The following ATP11A variants were observed in gnomAD, a reference collection of about 807,000 sequenced individuals.
ATP11A encodes the protein phospholipid-transporting ATPase IH.
ATP11A carries 81 observed loss-of-function variants against 154.4 expected under a neutral mutation model. The ratio of observed to expected loss-of-function variants is 0.52; its 90% CI spans 0.44 to 0.63. The LOEUF is 0.63. ATP11A is among the 30% of genes least tolerant of loss of function. The probability of loss-of-function intolerance (pLI) is 0.00; values close to 1 mark genes in which losing one functional copy is unlikely to be tolerated. For missense variants in ATP11A, 1,316 were observed against 1,474.3 expected, an observed-to-expected ratio of 0.89 and a Z score of 1.76; for synonymous variants, 623 against 585.9, an observed-to-expected ratio of 1.06 and a Z score of -0.91.
intron 25 of ATP11A, among the ~76,000 whole-genome samples, chr13:112,870,125 A>G (rs1326060481): frequency 6.6e-6 from 1 of 152,162 alleles, no homozygotes; most frequent in Admixed American, 6.5e-5. Context: ...AGCCAGAAGG[A>G]GGAGGCCCAC....
In ATP11A at chr13:112,732,461, T is replaced by C. The variant is rs531749471; in HGVS notation, c.39+42006T>C. Among the ~76,000 whole-genome samples, 23 of 152,204 alleles carry C rather than the reference T, an allele frequency of 1.5e-4. No individual in the cohort carries two copies. The South Asian group carries it at 4.6e-3, about 30-fold the overall frequency. On this transcript the variant is annotated intron_variant, in intron 1 of 29. Coordinates refer to ENST00000375645, the MANE Select transcript of ATP11A (RefSeq NM_015205.3). Reference sequence around the variant, plus strand: ...CTCTCCATCTCTCTCTCTCCAGCTCTGTCTCTCTCCAGCTCCATCTCTCTC... The same window carrying C: ...CTCTCCATCTCTCTCTCTCCAGCTCCGTCTCTCTCCAGCTCCATCTCTCTC...
intron 25 of ATP11A, among the ~76,000 whole-genome samples, chr13:112,864,817 G>A (rs2080264016): frequency 1.2e-5 from 1 of 83,906 alleles, no homozygotes; most frequent in Non-Finnish European, 2.3e-5. Flanking sequence ...CACCTGCGCA[G>A]TAATTCAGTG....
In ATP11A at chr13:112,873,670, T is replaced by C; in HGVS notation, c.3155T>C (p.Val1052Ala). Residue 1052 changes from valine (V) to alanine (A), a missense_variant, in exon 27 of 30, where the codon GTG becomes GCG. This residue lies in a region of ATP11A where 294 missense variants were observed against 290.2 expected (regional missense o/e 1.01). Coordinates refer to ENST00000375645, the MANE Select transcript of ATP11A (RefSeq NM_015205.3). ...GTCTTTTCGCTTCTCTGGGGAGGAG[T>C]GATCTGGTAAATATCTGATAAGTAG... ...YVVFSLLWGG[V>A]IWPFLNYQRM... 1 of 1,610,066 alleles carries C rather than the reference T, an allele frequency of 6.2e-7. No individual in the cohort carries two copies. The highest frequency in any genetic ancestry group is 2.2e-5 in the East Asian group (1 of 44,836).
Position 112,825,424 on chromosome 13 carries a change from T to A in ATP11A, c.873-6T>A. The A allele has an allele frequency of 6.2e-7, 1 of 1,606,752 alleles. No individual in the cohort carries two copies. The highest frequency in any genetic ancestry group is 8.5e-7 in the Non-Finnish European group (1 of 1,176,244). On this transcript the variant is annotated splice_polypyrimidine_tract_variant and splice_region_variant and intron_variant, in intron 10 of 29. Transcript: ENST00000375645. The stretch of plus-strand genomic sequence containing the variant: ...ACCAGTGATCACCTCTGTCCTTTTG[T>A]TTTAGATCGATGAATGCGTTCCTCA...
At chr13:112,881,759 C>T (rs567988047) in intron 29 of ATP11A, 117 bp from the exon 30 acceptor site, 28 of 1,343,120 alleles carry the variant, frequency 2.1e-5, no homozygotes, top group Non-Finnish European at 2.6e-5. Context: ...CTCAGGTCAC[C>T]CCAGGCAGCC....
intron 24 of ATP11A, among the ~76,000 whole-genome samples, chr13:112,862,019 A>AAGGTGTCACAGC (rs1340041695): frequency 5.3e-5 from 5 of 94,642 alleles, no homozygotes; most frequent in Non-Finnish European, 9.9e-5. Flanking sequence ...CAGCAGGCGT[A>AAGGTGTCACAGC]AGGCGTCACG....
At chr13:112,707,625 T>TGAA (rs1303332731) in intron 1 of ATP11A, among the ~76,000 whole-genome samples, 1 of 151,926 alleles carries the variant, frequency 6.6e-6, no homozygotes, top group East Asian at 1.9e-4. Flanking sequence ...ATTAAAAAGG[T>TGAA]GAAAAAGCTC....
At position 112,746,110 on chromosome 13, in the gene ATP11A, G is replaced by T. The variant is rs765174969; in HGVS notation, c.40-39025G>T. 2.0e-5 allele frequency: 3 copies of T among 148,632 alleles called. No individual in the cohort carries two copies. The highest frequency in any genetic ancestry group is 4.4e-5 in the Non-Finnish European group (3 of 68,048). 9.2% of individuals were successfully genotyped at this position (148,632 alleles called of 1,614,324 possible). ...TGTGATGGACTCTTGGGCGTCTGCC[G>T]TAGGCCGCTGTGAATGCTGGCGGCG... On this transcript the variant is annotated intron_variant, in intron 1 of 29. Transcript: ENST00000375645. The surrounding 1 kb of genome is among the most constrained non-coding windows in gnomAD (Gnocchi z 4.1).
intron 1 of ATP11A, among the ~76,000 whole-genome samples, chr13:112,768,186 C>A (rs772269479): frequency 1.3e-5 from 2 of 152,262 alleles, no homozygotes; most frequent in Non-Finnish European, 2.9e-5. Context: ...TGGAGCCCGG[C>A]CACTGCCAGG....
At chr13:112,780,724 C>T (rs986807432) in intron 1 of ATP11A, among the ~76,000 whole-genome samples, 14 of 152,176 alleles carry the variant, frequency 9.2e-5, no homozygotes, top group Admixed American at 7.9e-4. Context: ...CTCCAGGGGA[C>T]TTGCCACGTG....
At chr13:112,803,140 G>A (rs1484814809) in intron 2 of ATP11A, among the ~76,000 whole-genome samples, 1 of 152,182 alleles carries the variant, frequency 6.6e-6, no homozygotes, top group Non-Finnish European at 1.5e-5. Flanking sequence ...CTTTGTAAAT[G>A]TGAATTAGAA....
At chr13:112,844,607 G>A (rs978806307) in intron 17 of ATP11A, among the ~76,000 whole-genome samples, 4 of 152,196 alleles carry the variant, frequency 2.6e-5, no homozygotes, top group Admixed American at 6.5e-5. Context: ...TGTATCCGGC[G>A]TCTTTCACTC....
At chr13:112,862,631 G>T in intron 25 of ATP11A, 56 bp downstream of exon 25, 1 of 1,609,200 alleles carries the variant, frequency 6.2e-7, no homozygotes. Flanking sequence ...AGCCTCCCAA[G>T]CCCATATGAT....
At chr13:112,862,868 C>T (rs1427753124) in intron 25 of ATP11A, among the ~76,000 whole-genome samples, 2 of 140,032 alleles carry the variant, frequency 1.4e-5, no homozygotes, top group Non-Finnish European at 3.0e-5. Flanking sequence ...TCACCACGTG[C>T]ACAGTAATTC....
intron 17 of ATP11A, among the ~76,000 whole-genome samples, chr13:112,844,439 AG>A (rs1393556425): frequency 6.6e-6 from 1 of 152,184 alleles, no homozygotes; most frequent in Non-Finnish European, 1.5e-5. Flanking sequence ...CCTGCTGGGA[AG>A]GGGACGCATC....
intron 28 of ATP11A, among the ~76,000 whole-genome samples, chr13:112,877,420 G>A (rs900734583): frequency 2.0e-5 from 3 of 152,242 alleles, no homozygotes; most frequent in Admixed American, 1.3e-4. Flanking sequence ...ACGTGTTCAT[G>A]ACAGGGCTCT....
chr13:112,813,533 A>G (rs987793317), intron 5 of ATP11A, among the ~76,000 whole-genome samples: 1 of 152,144 alleles, frequency 6.6e-6, no homozygotes, highest in African/African-American at 2.4e-5. Context: ...CGATTTTTCT[A>G]GTTTGGGGCT....
intron 1 of ATP11A, among the ~76,000 whole-genome samples, chr13:112,755,190 T>A (rs2076790303): frequency 6.6e-6 from 1 of 152,206 alleles, no homozygotes; most frequent in Non-Finnish European, 1.5e-5. Flanking sequence ...GTAAAAGCAT[T>A]CTCAGTTCAT....
At chr13:112,798,521 G>C (rs191389101) in intron 2 of ATP11A, among the ~76,000 whole-genome samples, 1 of 152,232 alleles carries the variant, frequency 6.6e-6, no homozygotes. Flanking sequence ...TGAATGAAAT[G>C]TATGACAGCA....
Sources: allele counts gnomAD v4.1 joint callset (sites outside exome capture counted in the v4.1 genomes callset), GRCh38; gene constraint gnomAD v4.1.1; regional missense constraint gnomAD v4.1.1; non-coding constraint Gnocchi (gnomAD v3.1); transcripts MANE v1.5; gene names NCBI Gene and HGNC (gene_info 2026-07-23, HGNC 2026-07-21).